Variants in EZR observed in about 807,000 individuals in gnomAD.
The protein encoded by EZR is ezrin.
Under a neutral mutation model 74.8 loss-of-function variants are expected in EZR, and 40 were observed. That is an observed-to-expected ratio of 0.53 (90% CI 0.42 to 0.70). The LOEUF is 0.70. Ranked by LOEUF, EZR falls within the 30% of genes least tolerant of loss-of-function variation. The pLI is 0.00. For synonymous variants in EZR, 341 were observed against 283.3 expected (o/e 1.20, Z -2.05); for missense variants, 678 against 755.8 (o/e 0.90, Z 1.21).
intron 12 of EZR, 51 bp downstream of exon 12, chr6:158,769,275 T>G (rs542845518): frequency 3.2e-6 from 5 of 1,543,446 alleles, no homozygotes; most frequent in South Asian, 1.1e-5. Flanking sequence ...CCGCAGGCAA[T>G]TGGGCAACAG....
rs753656254 is a variant in EZR, at chr6:158,769,430, A to G, written c.1252-12T>C. ...GCAAGCTCCGCAGCCTGGGAAGGGA[A>G]TGCCAAGCTCACGTCAGTTCTGATA... On this transcript the variant is annotated splice_polypyrimidine_tract_variant and intron_variant, in intron 11 of 13. Transcript: ENST00000367075. 9.4e-6 allele frequency: 15 copies of G among 1,602,930 alleles called. No homozygotes were observed. The South Asian group carries it at 1.6e-4, about 18-fold the overall frequency.
chr6:158,784,658 G>A lies in EZR; in HGVS notation c.537C>T (p.His179=). The A allele has an allele frequency of 6.2e-7, 1 of 1,614,162 alleles. No homozygotes were observed. Among genetic ancestry groups the A allele is most frequent in the Non-Finnish European group, 8.5e-7 (1 of 1,180,004 alleles). ...ACAGCACTCACTTGAGCATCCCACG[G>A]TGTTCCGCATGCCACACCTGGATCC... is the stretch of plus-strand genomic sequence containing the variant. ...EDRIQVWHAE[H]RGMLKDNAML... is the part of the protein sequence containing the mutation. Residue 179 remains histidine (H), a synonymous_variant, in exon 6 of 14, where the codon CAC becomes CAT. Transcript: ENST00000367075.
chr6:158,797,714 AAATG>A (rs774451425), intron 2 of EZR, among the ~76,000 whole-genome samples: 1 of 152,248 alleles, frequency 6.6e-6, no homozygotes, highest in Non-Finnish European at 1.5e-5. Context: ...AACCAATGAT[AAATG>A]AATTAAAAAC....
chr6:158,770,269 A>T (rs1583555182), intron 10 of EZR, among the ~76,000 whole-genome samples: 1 of 152,124 alleles, frequency 6.6e-6, no homozygotes, highest in South Asian at 2.1e-4. Context: ...AACACAGAAC[A>T]CCCTTCCCAT....
chr6:158,795,470 TTACTA>T (rs1777051959), intron 2 of EZR, among the ~76,000 whole-genome samples: 1 of 152,084 alleles, frequency 6.6e-6, no homozygotes, highest in African/African-American at 2.4e-5. Flanking sequence ...CAGCTCGAAC[TTACTA>T]TACTACAGGA....
intron 13 of EZR, 26 bp from the exon 14 acceptor site, chr6:158,767,104 A>C (rs1197469630): frequency 6.2e-7 from 1 of 1,613,148 alleles, no homozygotes; most frequent in Non-Finnish European, 8.5e-7. Context: ...GCATTGGTCT[A>C]GTCCCTTCCT....
Position 158,766,876 on chromosome 6 carries a change from C to CCACGCT in EZR, c.*37_*38insAGCGTG. ...AGCGTGGCGGGGCTGGCAGCGCCCG[C>CCACGCT]TATGAGCACCCCTCTGCCCTTGGTC... On this transcript the variant is annotated 3_prime_UTR_variant, in exon 14 of 14. Transcript: ENST00000367075. 6.3e-7 allele frequency: 1 copy of CCACGCT among 1,592,898 alleles called. No individual in the cohort carries two copies. Among genetic ancestry groups the CCACGCT allele is most frequent in the South Asian group, 1.1e-5 (1 of 89,712 alleles).
intron 8 of EZR, 41 bp downstream of exon 8, chr6:158,776,367 T>C (rs1426769958): frequency 6.7e-7 from 1 of 1,495,620 alleles, no homozygotes; most frequent in African/African-American, 1.4e-5. Context: ...AGTATAAGAA[T>C]GAAAAACAGT....
rs1777604157 is a variant in EZR, at chr6:158,818,186, C to T, written c.-73-20G>A. The T allele has an allele frequency of 7.2e-7, 1 of 1,394,030 alleles. No individual in the cohort carries two copies. Among genetic ancestry groups the T allele is most frequent in the Non-Finnish European group, 9.9e-7 (1 of 1,014,334 alleles). 86.4% of individuals were successfully genotyped at this position (1,394,030 alleles called of 1,614,324 possible). ...CCCAACCTGGAGTCAGAGCAGAACC[C>T]TTAGAGCGCCCGCCCGCCCTGCCTC... On this transcript the variant is annotated intron_variant, in intron 1 of 13. Transcript: ENST00000367075.
intron 2 of EZR, among the ~76,000 whole-genome samples, chr6:158,807,627 G>A (rs941935616): frequency 6.6e-6 from 1 of 152,142 alleles, no homozygotes; most frequent in African/African-American, 2.4e-5. Context: ...TCTGCCCAGT[G>A]GTTTTAACGC....
intron 7 of EZR, among the ~76,000 whole-genome samples, chr6:158,782,741 T>TCC (rs752724971): frequency 1.3e-5 from 2 of 152,204 alleles, no homozygotes; most frequent in Admixed American, 6.5e-5. Context: ...CAGGAGCCTC[T>TCC]CCCTTCTCTT....
chr6:158,768,086 T>C lies in EZR; in HGVS notation c.1345-574A>G, dbSNP rs572690112. Among the ~76,000 whole-genome samples the C allele has an allele frequency of 2.6e-4, 40 of 152,118 alleles. 1 individual carries two copies. The highest frequency in any genetic ancestry group is 1.2e-3 in the South Asian group (6 of 4,824). ...TCCCCACCCAAATCTCATCTCCACC[T>C]GTAATCCCCCCATGCTGGGGGTGGG... On this transcript the variant is annotated intron_variant, in intron 12 of 13. Transcript: ENST00000367075.
Position 158,818,087 on chromosome 6 carries a change from T to G in EZR, c.7A>C (p.Lys3Gln), listed in dbSNP as rs1777600829. The G allele has an allele frequency of 2.5e-6, 4 of 1,609,406 alleles. No individual in the cohort carries two copies. The highest frequency in any genetic ancestry group is 1.7e-5 in the Admixed American group (1 of 59,868). ...CCAGAAACTGGGCAACTTACTGGTT[T>G]CGGCATTTTCGGTTTCTGGTGAGTA... MP[K>Q]PINVRVTTMD... The change falls in exon 2 of 14, where the codon AAA (lysine) becomes CAA (glutamine). Residue 3 changes from lysine to glutamine, a missense_variant. This residue lies in a region of EZR where 217 missense variants were observed against 232.2 expected (regional missense o/e 0.93). Coordinates refer to ENST00000367075, the MANE Select transcript of EZR (RefSeq NM_001111077.2).
chr6:158,818,000 C>G (rs1395794253), intron 2 of EZR, 82 bp downstream of exon 2: 2 of 1,417,058 alleles, frequency 1.4e-6, no homozygotes, highest in Admixed American at 3.7e-5. Flanking sequence ...TCCCCAGGAA[C>G]TGCCCCAACA....
intron 2 of EZR, among the ~76,000 whole-genome samples, chr6:158,804,389 G>A (rs796890657): frequency 3.3e-5 from 5 of 152,310 alleles, no homozygotes; most frequent in African/African-American, 1.2e-4. Context: ...GCAAAATAAA[G>A]AGAAAGGGAC....
intron 2 of EZR, among the ~76,000 whole-genome samples, chr6:158,801,092 G>A (rs566110827): frequency 1.1e-4 from 16 of 152,254 alleles, no homozygotes; most frequent in Non-Finnish European, 2.2e-4. Context: ...CCATGCTTGC[G>A]CCACCACACT....
chr6:158,799,900 A>G (rs17514871), intron 2 of EZR, among the ~76,000 whole-genome samples: 4,366 of 152,332 alleles, frequency 0.029, 84 homozygotes, highest in Middle Eastern at 0.054. Flanking sequence ...CATGTATTAT[A>G]TGAAGCGAAC....
At chr6:158,774,672 A>ACACACAC (rs1791216343) in intron 8 of EZR, among the ~76,000 whole-genome samples, 76 of 142,394 alleles carry the variant, frequency 5.3e-4, no homozygotes, top group Non-Finnish European at 8.9e-4. Flanking sequence ...CTTATCATCA[A>ACACACAC]ACACACACAC....
rs150219810 is a variant in EZR, at chr6:158,805,125, G to A, written c.12+12957C>T. 4.2e-3 allele frequency among the ~76,000 whole-genome samples: 639 copies of A among 152,090 alleles called. 1 individual carries two copies. The highest frequency in any genetic ancestry group is 0.015 in the African/African-American group (607 of 41,478). ...AATGAGGCTGAGGTGGGTGGATCACGAGGTCAGGCGACCAAGACCATCCTG... is the reference window on the plus strand; with the variant it reads ...AATGAGGCTGAGGTGGGTGGATCACAAGGTCAGGCGACCAAGACCATCCTG... On this transcript the variant is annotated intron_variant, in intron 2 of 13. Coordinates refer to ENST00000367075, the MANE Select transcript of EZR (RefSeq NM_001111077.2).
Sources: gnomAD v4.1 joint callset for allele counts (sites outside exome capture counted in the v4.1 genomes callset) on GRCh38, gnomAD v4.1.1 for gene constraint, gnomAD v4.1.1 regional missense constraint, MANE v1.5 for transcripts, NCBI Gene and HGNC (gene_info 2026-07-23, HGNC 2026-07-21) for gene names.